The following DPYSL5 variants were observed in gnomAD, a reference collection of about 807,000 sequenced individuals.
DPYSL5 encodes dihydropyrimidinase-related protein 5.
DPYSL5 carries 9 observed loss-of-function variants against 58.4 expected under a neutral mutation model. The ratio of observed to expected loss-of-function variants is 0.15; its 90% CI spans 0.09 to 0.27. DPYSL5 has a LOEUF of 0.27. Among genes scored for constraint, DPYSL5 ranks in the 10% least tolerant of loss-of-function variants. DPYSL5 has a pLI of 1.00. For missense variants in DPYSL5, 499 were observed against 770.6 expected (o/e 0.65, Z 4.17); for synonymous variants, 293 against 301.9 (o/e 0.97, Z 0.31).
intron 1 of DPYSL5, among the ~76,000 whole-genome samples, chr2:26,862,903 G>A (rs1166704979): frequency 6.6e-6 from 1 of 152,176 alleles, no homozygotes; most frequent in African/African-American, 2.4e-5. Context: ...TCCAGAAGCT[G>A]TTTCTGCCTG....
chr2:26,863,176 C>A (rs1666059928), intron 1 of DPYSL5, among the ~76,000 whole-genome samples: 1 of 152,322 alleles, frequency 6.6e-6, no homozygotes, highest in Admixed American at 6.5e-5. Context: ...ACTGAGCCAA[C>A]CACTTGCATT....
intron 1 of DPYSL5, among the ~76,000 whole-genome samples, chr2:26,876,619 G>A (rs1458089447): frequency 6.6e-6 from 1 of 152,128 alleles, no homozygotes; most frequent in Non-Finnish European, 1.5e-5. Context: ...AGGTTCAAGA[G>A]ATTCTCCTGC....
intron 1 of DPYSL5, among the ~76,000 whole-genome samples, chr2:26,881,360 C>T (rs769894030): frequency 1.7e-4 from 26 of 152,220 alleles, no homozygotes; most frequent in Non-Finnish European, 2.2e-4. Flanking sequence ...GCCCACTGGC[C>T]TGCCACCCCT....
chr2:26,915,075 C>T (rs1262343815), intron 2 of DPYSL5, among the ~76,000 whole-genome samples: 1 of 152,092 alleles, frequency 6.6e-6, no homozygotes, highest in African/African-American at 2.4e-5. Flanking sequence ...TACCCACCCT[C>T]TCCTCCTGTG....
intron 9 of DPYSL5, among the ~76,000 whole-genome samples, 157 bp from the exon 10 acceptor site, chr2:26,941,793 G>T (rs1211526246): frequency 6.6e-6 from 1 of 152,198 alleles, no homozygotes; most frequent in Non-Finnish European, 1.5e-5. Flanking sequence ...AGCCAAGCAG[G>T]CTGGCTCATC....
chr2:26,914,163 A>C (rs2148149198), intron 2 of DPYSL5, among the ~76,000 whole-genome samples: 1 of 152,334 alleles, frequency 6.6e-6, no homozygotes, highest in African/African-American at 2.4e-5. Flanking sequence ...CCTGGATCGC[A>C]GCCTTGGCTG....
At chr2:26,914,593 G>GA in intron 2 of DPYSL5, among the ~76,000 whole-genome samples, 1 of 152,170 alleles carries the variant, frequency 6.6e-6, no homozygotes, top group South Asian at 2.1e-4. Flanking sequence ...GTTCTTTATT[G>GA]ATGAGGCTGA....
At position 26,857,008 on chromosome 2, in the gene DPYSL5, CTT is replaced by C. The variant is rs1665897044; in HGVS notation, c.-5+8757_-5+8758del. Among the ~76,000 whole-genome samples the C allele has an allele frequency of 2.7e-5, 4 of 146,226 alleles. No homozygotes were observed. In the South Asian group the frequency reaches 8.4e-4, roughly 31 times the overall value. ...ACCAATTGATTGGCTGAAATGAACA[CTT>C]TTAAACTAAGCGGTGTACGTCTACC... On this transcript the variant is annotated intron_variant, in intron 1 of 12. Coordinates refer to ENST00000288699, the MANE Select transcript of DPYSL5 (RefSeq NM_020134.4).
chr2:26,899,102 G>A (rs1034764156), intron 2 of DPYSL5, among the ~76,000 whole-genome samples: 2 of 152,174 alleles, frequency 1.3e-5, no homozygotes. Flanking sequence ...AGGGGAGTGG[G>A]TTTGTCTGAT....
chr2:26,923,547 G>A (rs549719354), intron 2 of DPYSL5, among the ~76,000 whole-genome samples: 89 of 152,274 alleles, frequency 5.8e-4, no homozygotes, highest in Non-Finnish European at 9.3e-4. Flanking sequence ...GGACTTGAAC[G>A]TGGAGCCGTG....
In DPYSL5 at chr2:26,887,273, G is replaced by A. The variant is rs1189650805; in HGVS notation, c.-4-11223G>A. On this transcript the variant is annotated intron_variant, in intron 1 of 12. Transcript: ENST00000288699. The stretch of plus-strand genomic sequence containing the variant: ...CATGTCTGAAACCAATACCTTCCAA[G>A]TTCCCTTTAAGGTCTTTATGCAGGA... 2.0e-5 allele frequency among the ~76,000 whole-genome samples: 3 copies of A among 152,324 alleles called. No individual in the cohort carries two copies. The East Asian group carries it at 5.8e-4, about 29-fold the overall frequency.
chr2:26,884,983 G>C (rs559424669), intron 1 of DPYSL5, among the ~76,000 whole-genome samples: 1 of 152,242 alleles, frequency 6.6e-6, no homozygotes, highest in East Asian at 1.9e-4. Flanking sequence ...CGGATCACCT[G>C]AAGTCAGGAG....
rs116913315 is a variant in DPYSL5 at position 26,856,385 on chromosome 2, G to T, written c.-5+8131G>T. Among the ~76,000 whole-genome samples, 4 of 152,304 alleles carry T rather than the reference G, an allele frequency of 2.6e-5. No individual in the cohort carries two copies. In the East Asian group the frequency reaches 7.7e-4, roughly 29 times the overall value. On this transcript the variant is annotated intron_variant, in intron 1 of 12. Coordinates refer to ENST00000288699, the MANE Select transcript of DPYSL5 (RefSeq NM_020134.4). ...TGCCTATTTTTGAATTTTTACAAAT[G>T]GAATCATGTAGTGGATATTCTCTCA...
intron 1 of DPYSL5, among the ~76,000 whole-genome samples, chr2:26,875,656 T>C (rs1051604900): frequency 6.6e-6 from 1 of 152,178 alleles, no homozygotes; most frequent in African/African-American, 2.4e-5. Flanking sequence ...TGTTGGACTC[T>C]ACACCTGCCT....
rs1304819782 is a variant in DPYSL5 at position 26,942,499 on chromosome 2, AC to A, written c.1233-42del. ...CCTCCCATGGAGCTGTGACATTTTG[AC>A]CTGTCCTCAGCGCTTTCTCTCCCGC... On this transcript the variant is annotated intron_variant, in intron 10 of 12. Coordinates refer to ENST00000288699, the MANE Select transcript of DPYSL5 (RefSeq NM_020134.4). This position sits in a 1 kb window ranked among gnomAD's most constrained non-coding sequence, Gnocchi z 5.9. 1.3e-6 allele frequency: 2 copies of A among 1,579,196 alleles called. No homozygotes were observed. Among genetic ancestry groups the A allele is most frequent in the Admixed American group, 3.6e-5 (2 of 54,824 alleles).
Position 26,925,027 on chromosome 2 carries a change from C to T in DPYSL5, c.402C>T (p.Ile134=). Residue 134 remains isoleucine (I), a synonymous_variant, in exon 3 of 13, where the codon ATC becomes ATT. Transcript: ENST00000288699. This position sits in a 1 kb window ranked among gnomAD's most constrained non-coding sequence, Gnocchi z 4.5. ...GTGATTACGCCCTCCACGTGGGGAT[C>T]ACCTGGTGGGCACCCAAGGTAACAG... ...VCCDYALHVG[I]TWWAPKVKAE... 1 of 1,614,056 alleles carries T rather than the reference C, an allele frequency of 6.2e-7. No homozygotes were observed. Among genetic ancestry groups the T allele is most frequent in the Non-Finnish European group, 8.5e-7 (1 of 1,179,986 alleles).
chr2:26,918,280 C>T (rs915268643), intron 2 of DPYSL5, among the ~76,000 whole-genome samples: 1 of 151,900 alleles, frequency 6.6e-6, no homozygotes, highest in East Asian at 1.9e-4. Context: ...GTGTTTCCTG[C>T]GTGCCAGGCA....
Position 26,892,472 on chromosome 2 carries a change from A to G in DPYSL5, c.-4-6024A>G, listed in dbSNP as rs180887159. ...CCATCTTGTCATTTATAACATTGAC[A>G]TAACGATTATGCAGCAATTTTTCCA... On this transcript the variant is annotated intron_variant, in intron 1 of 12. Coordinates refer to ENST00000288699, the MANE Select transcript of DPYSL5 (RefSeq NM_020134.4). Among the ~76,000 whole-genome samples, 6 of 152,308 alleles carry G rather than the reference A, an allele frequency of 3.9e-5. No individual in the cohort carries two copies. In the East Asian group the frequency reaches 7.7e-4, roughly 20 times the overall value.
Position 26,933,191 on chromosome 2 carries a change from G to A in DPYSL5, c.715-67G>A. The stretch of plus-strand genomic sequence containing the variant: ...CTGGTGCCAGGGCTGACTTTGCCAG[G>A]GTTATTCTGATGCTTGTGAAGTTTA... On this transcript the variant is annotated intron_variant, in intron 6 of 12. Transcript: ENST00000288699. This position sits in a 1 kb window ranked among gnomAD's most constrained non-coding sequence, Gnocchi z 4.2. 2.0e-6 allele frequency: 3 copies of A among 1,486,980 alleles called. No individual in the cohort carries two copies. Among genetic ancestry groups the A allele is most frequent in the Non-Finnish European group, 2.8e-6 (3 of 1,064,550 alleles). The allele number at this position is 1,486,980 out of a possible 1,614,324, so 92.1% of individuals were successfully genotyped here.
Sources: allele counts gnomAD v4.1 joint callset (sites outside exome capture counted in the v4.1 genomes callset), GRCh38; gene constraint gnomAD v4.1.1; non-coding constraint Gnocchi (gnomAD v3.1); transcripts MANE v1.5; gene names NCBI Gene and HGNC (gene_info 2026-07-23, HGNC 2026-07-21).